Variants in PTPRT observed in about 807,000 individuals in gnomAD.
The protein encoded by PTPRT is protein tyrosine phosphatase receptor type T, also known as receptor-type tyrosine-protein phosphatase T.
A neutral mutation model predicts 176.8 loss-of-function variants in PTPRT; 56 were observed. The observed-to-expected ratio is 0.32, with a 90% CI of 0.26 to 0.40. PTPRT has a LOEUF of 0.40. PTPRT is among the 10% of genes least tolerant of loss of function. The pLI is 1.00. For synonymous variants in PTPRT, 783 were observed against 739.0 expected, an observed-to-expected ratio of 1.06 and a Z score of -0.96; for missense variants, 1,540 against 1,908.2, an observed-to-expected ratio of 0.81 and a Z score of 3.60.
intron 1 of PTPRT, among the ~76,000 whole-genome samples, chr20:43,150,008 T>C (rs1294184969): frequency 6.6e-6 from 1 of 152,258 alleles, no homozygotes; most frequent in Non-Finnish European, 1.5e-5. Context: ...AATCCTCATC[T>C]GACTAGTGAC....
At chr20:42,628,041 C>T (rs1041452881) in intron 7 of PTPRT, among the ~76,000 whole-genome samples, 3 of 152,132 alleles carry the variant, frequency 2.0e-5, no homozygotes, top group African/African-American at 7.2e-5. Context: ...ACCTAAAACC[C>T]TAAGGCCTAG....
the PTPRT span, among the ~76,000 whole-genome samples, chr20:42,067,120 G>T: frequency 6.6e-6 from 1 of 152,124 alleles, no homozygotes; most frequent in Non-Finnish European, 1.5e-5. Flanking sequence ...TCAGAGTTGG[G>T]GTCTGGGCTG....
intron 6 of PTPRT, among the ~76,000 whole-genome samples, chr20:42,747,029 C>A (rs557411397): frequency 2.6e-5 from 4 of 152,022 alleles, no homozygotes; most frequent in African/African-American, 9.6e-5. Context: ...CAACTGAGCC[C>A]CCTAAATTTG....
chr20:42,494,824 A>G (rs1470974628), intron 7 of PTPRT, among the ~76,000 whole-genome samples: 1 of 152,194 alleles, frequency 6.6e-6, no homozygotes, highest in Non-Finnish European at 1.5e-5. Flanking sequence ...TAGATACGTG[A>G]AATAAATGTT....
Position 42,449,588 on chromosome 20 carries a change from C to T in PTPRT, c.1451-1259G>A, listed in dbSNP as rs556872167. Among the ~76,000 whole-genome samples the T allele has an allele frequency of 4.6e-5, 7 of 152,228 alleles. No homozygotes were observed. The East Asian group carries it at 1.2e-3, about 25-fold the overall frequency. Reference sequence around the variant, plus strand: ...TGCCCAGTAGGTATTATCTCCTTTGCGTCGATAAGAGAACTGAGGCTGAGA... The same window carrying T: ...TGCCCAGTAGGTATTATCTCCTTTGTGTCGATAAGAGAACTGAGGCTGAGA... On this transcript the variant is annotated intron_variant, in intron 8 of 30. Transcript: ENST00000373187.
chr20:42,085,263 G>C (rs558557274), intron 28 of PTPRT, among the ~76,000 whole-genome samples: 78 of 152,094 alleles, frequency 5.1e-4, no homozygotes, highest in Non-Finnish European at 8.1e-4. Context: ...AGTGACCAAA[G>C]CTGCATTAGT....
At chr20:42,315,095 G>A (rs1411942314) in intron 12 of PTPRT, among the ~76,000 whole-genome samples, 4 of 71,184 alleles carry the variant, frequency 5.6e-5, no homozygotes, top group East Asian at 2.2e-4. Flanking sequence ...GTTACCTTGC[G>A]TGAACCCGGG....
rs763331537 is a variant in PTPRT at position 42,315,953 on chromosome 20, G to T, written c.1909C>A (p.Arg637=). The change falls in exon 12 of 31, where the codon CGG becomes AGG. Residue 637 remains arginine (R), a synonymous_variant. Transcript: ENST00000373187. ...CACTCAATAATGTCAGCTGCCCTCC[G>T]TGACTTCTGAAGTCGCTCCTCCTTG... ...VVKEERLQKS[R]RAADIIECFS... is the part of the protein sequence containing the mutation. 3 of 1,614,064 alleles carry T rather than the reference G, an allele frequency of 1.9e-6. No homozygotes were observed. Among genetic ancestry groups the T allele is most frequent in the Non-Finnish European group, 2.5e-6 (3 of 1,179,980 alleles).
At chr20:42,176,786 T>C (rs1218616908) in intron 16 of PTPRT, among the ~76,000 whole-genome samples, 6 of 152,234 alleles carry the variant, frequency 3.9e-5, no homozygotes, top group Non-Finnish European at 8.8e-5. Flanking sequence ...CTTTGTCTTT[T>C]GTTGATGTGC....
At chr20:42,739,007 G>T (rs771112689) in intron 6 of PTPRT, among the ~76,000 whole-genome samples, 1 of 152,154 alleles carries the variant, frequency 6.6e-6, no homozygotes, top group Non-Finnish European at 1.5e-5. Flanking sequence ...GGTTGAAGCT[G>T]CAGTGAGCCA....
intron 1 of PTPRT, among the ~76,000 whole-genome samples, chr20:42,971,714 C>G (rs1982646264): frequency 6.6e-6 from 1 of 152,206 alleles, no homozygotes; most frequent in South Asian, 2.1e-4. Context: ...ATACCAGGCT[C>G]CGTTGCACAG....
At chr20:42,421,841 G>C (rs1191249692) in intron 9 of PTPRT, among the ~76,000 whole-genome samples, 1 of 152,008 alleles carries the variant, frequency 6.6e-6, no homozygotes, top group Admixed American at 6.6e-5. Context: ...CATGGTACTG[G>C]TACAAAAACA....
intron 1 of PTPRT, among the ~76,000 whole-genome samples, chr20:42,944,984 T>C (rs1290512658): frequency 6.6e-6 from 1 of 151,668 alleles, no homozygotes; most frequent in African/African-American, 2.4e-5. Flanking sequence ...TTTTTATGGA[T>C]AAAATGAATA....
chr20:43,167,888 CT>C (rs1295980696), intron 1 of PTPRT, among the ~76,000 whole-genome samples: 1 of 152,230 alleles, frequency 6.6e-6, no homozygotes, highest in East Asian at 1.9e-4. Context: ...GATCACACCC[CT>C]GGCCAACACC....
At chr20:42,519,997 T>G (rs1167555255) in intron 7 of PTPRT, among the ~76,000 whole-genome samples, 1 of 152,156 alleles carries the variant, frequency 6.6e-6, no homozygotes, top group East Asian at 1.9e-4. Flanking sequence ...TCACATAGCT[T>G]CATTTTTTCA....
intron 7 of PTPRT, among the ~76,000 whole-genome samples, chr20:42,539,673 C>G (rs988409861): frequency 1.4e-5 from 2 of 141,516 alleles, no homozygotes; most frequent in Non-Finnish European, 3.1e-5. Context: ...AAAAAAAAAA[C>G]AAACTATTAC....
rs1409978405 is a variant in PTPRT at position 42,080,926 on chromosome 20, A to G, written c.4279T>C (p.Tyr1427His). 1 of 1,606,098 alleles carries G rather than the reference A, an allele frequency of 6.2e-7. No homozygotes were observed. Among genetic ancestry groups the G allele is most frequent in the Non-Finnish European group, 8.5e-7 (1 of 1,173,256 alleles). ...KSNMVETLEQ[Y>H]KFVYEVALEY... Reference sequence around the variant, plus strand: ...AGTGCCACCTCGTATACAAATTTATACTGTTCCTGAGAGGCGGAGAGGAGC... The same window carrying G: ...AGTGCCACCTCGTATACAAATTTATGCTGTTCCTGAGAGGCGGAGAGGAGC... Residue 1427 changes from tyrosine to histidine, a missense_variant, in exon 31 of 31, where the codon TAT becomes CAT. Physicochemically the swap from Tyr to His is moderately conservative, Grantham distance 83. Coordinates refer to ENST00000373187, the MANE Select transcript of PTPRT (RefSeq NM_007050.6).
At chr20:42,937,939 T>G (rs1980297930) in intron 1 of PTPRT, among the ~76,000 whole-genome samples, 1 of 152,178 alleles carries the variant, frequency 6.6e-6, no homozygotes. Flanking sequence ...ACTTCAAGAT[T>G]ACCTTTAAGT....
chr20:42,947,868 C>T (rs1207321852), intron 1 of PTPRT, among the ~76,000 whole-genome samples: 1 of 152,106 alleles, frequency 6.6e-6, no homozygotes, highest in African/African-American at 2.4e-5. Context: ...ACTCCTTCAT[C>T]CTTATCTAGG....
Sources: allele counts gnomAD v4.1 joint callset (sites outside exome capture counted in the v4.1 genomes callset), GRCh38; gene constraint gnomAD v4.1.1; transcripts MANE v1.5; gene names NCBI Gene and HGNC (gene_info 2026-07-23, HGNC 2026-07-21).